Variants in PIEZO2 observed in about 807,000 individuals in gnomAD.
The protein encoded by PIEZO2 is piezo type mechanosensitive ion channel component 2.
In PIEZO2, 172 loss-of-function variants were observed where a neutral mutation model predicts 337.3. The observed-to-expected ratio is 0.51, with a 90% CI of 0.45 to 0.58. The LOEUF (loss-of-function observed/expected upper bound fraction) is 0.58. PIEZO2 is among the 20% of genes least tolerant of loss of function. The probability of loss-of-function intolerance (pLI) is 0.00; values close to 1 mark genes in which losing one functional copy is unlikely to be tolerated. For missense variants in PIEZO2, 3,028 were observed against 3,391.3 expected (o/e 0.89, Z 2.66); for synonymous variants, 1,251 against 1,228.5 (o/e 1.02, Z -0.38).
chr18:10,797,761 G>A (rs576797203), intron 11 of PIEZO2, among the ~76,000 whole-genome samples: 152 of 152,310 alleles, frequency 1.0e-3, no homozygotes, highest in Middle Eastern at 3.4e-3. Flanking sequence ...AAGAAGATAC[G>A]GAATGAAGCC....
At chr18:10,712,248 G>T (rs2035849843) in intron 39 of PIEZO2, among the ~76,000 whole-genome samples, 1 of 152,198 alleles carries the variant, frequency 6.6e-6, no homozygotes, top group Non-Finnish European at 1.5e-5. Context: ...GCACAAACCT[G>T]CAGGCTTTCA....
chr18:10,682,112 C>T lies in PIEZO2; in HGVS notation c.7678G>A (p.Gly2560Arg). The T allele has an allele frequency of 6.5e-7, 1 of 1,536,086 alleles. No homozygotes were observed. The highest frequency in any genetic ancestry group is 1.2e-5 in the South Asian group (1 of 83,854). Residue 2560 changes from glycine to arginine, a missense_variant, in exon 50 of 56, where the codon GGG becomes AGG. This residue lies in a region of PIEZO2 where 332 missense variants were observed against 363.8 expected (regional missense o/e 0.91). Transcript: ENST00000674853. This position sits in a 1 kb window ranked among gnomAD's most constrained non-coding sequence, Gnocchi z 5.6. Reference protein sequence around the residue: ...LDVSVTITLGGYQPIFTMSAQ... With the variant: ...LDVSVTITLGRYQPIFTMSAQ... ...GTGTGCACAGAGATCACCTGATACC[C>T]TCCCAGGGTAATTGTGACGGAGACG...
At chr18:10,890,956 T>A (rs2042736817) in intron 4 of PIEZO2, among the ~76,000 whole-genome samples, 1 of 152,230 alleles carries the variant, frequency 6.6e-6, no homozygotes, top group Admixed American at 6.5e-5. Context: ...AAAAAATATA[T>A]CGAATCTCCT....
At position 10,903,208 on chromosome 18, in the gene PIEZO2, T is replaced by A. The variant is rs2043092812; in HGVS notation, c.329+7978A>T. Among the ~76,000 whole-genome samples, 1 of 152,186 alleles carries A rather than the reference T, an allele frequency of 6.6e-6. No individual in the cohort carries two copies. Among genetic ancestry groups the A allele is most frequent in the Non-Finnish European group, 1.5e-5 (1 of 68,036 alleles). Reference sequence around the variant, plus strand: ...GCATGTCACACTCACACTGTCCCTATCTTGGTCGAGACATTATAATCACTC... The same window carrying A: ...GCATGTCACACTCACACTGTCCCTAACTTGGTCGAGACATTATAATCACTC... On this transcript the variant is annotated intron_variant, in intron 4 of 55. Coordinates refer to ENST00000674853, the MANE Select transcript of PIEZO2 (RefSeq NM_001378183.1). The surrounding 1 kb of genome is among the most constrained non-coding windows in gnomAD (Gnocchi z 4.1).
chr18:10,860,711 A>G (rs60365230), intron 5 of PIEZO2, among the ~76,000 whole-genome samples: 38,517 of 152,202 alleles, frequency 0.25, 4,874 homozygotes, highest in Non-Finnish European at 0.27. Flanking sequence ...ACAGTCAGAA[A>G]CACACTTGTG....
intron 4 of PIEZO2, among the ~76,000 whole-genome samples, chr18:10,905,776 A>G (rs190871608): frequency 3.4e-4 from 51 of 152,188 alleles, no homozygotes; most frequent in African/African-American, 1.2e-3. Context: ...CTTTTTCCTA[A>G]GTCCACTCTT....
Position 10,762,628 on chromosome 18 carries a change from A to G in PIEZO2, c.3124-3T>C. 1 of 1,535,560 alleles carries G rather than the reference A, an allele frequency of 6.5e-7. No homozygotes were observed. The highest frequency in any genetic ancestry group is 8.7e-7 in the Non-Finnish European group (1 of 1,146,448). ...ATGTTTGTTTGATTTTCATTTGGCT[A>G]AAAAGAAGAGAAAATGGAGTAAAAA... On this transcript the variant is annotated splice_polypyrimidine_tract_variant and splice_region_variant and intron_variant, in intron 22 of 55. Transcript: ENST00000674853.
chr18:10,726,272 A>AGAAT lies in PIEZO2; in HGVS notation c.5029+5131_5029+5134dup, dbSNP rs932880669. 1.1e-5 allele frequency: 9 copies of AGAAT among 838,916 alleles called. No individual in the cohort carries two copies. The highest frequency in any genetic ancestry group is 4.4e-4 in the Middle Eastern group (2 of 4,528). The allele number at this position is 838,916 out of a possible 1,614,324, so 52.0% of individuals were successfully genotyped here. A position where few individuals can be genotyped will look rare whatever the true frequency, so the allele number is the denominator to read the frequency against. On this transcript the variant is annotated intron_variant, in intron 36 of 55. Transcript: ENST00000674853. The surrounding 1 kb of genome is among the most constrained non-coding windows in gnomAD (Gnocchi z 5.9). ...GTGCGAGCCTGTGTTCGGGAGCATG[A>AGAAT]GAATGGAAGCGTCGCGGCCAGAGCC...
At chr18:10,976,073 A>G (rs775351540) in intron 3 of PIEZO2, among the ~76,000 whole-genome samples, 1 of 152,334 alleles carries the variant, frequency 6.6e-6, no homozygotes, top group Non-Finnish European at 1.5e-5. Flanking sequence ...AAACAATAAC[A>G]TTAGTGAAGT....
At chr18:10,976,479 T>C (rs2034445287) in intron 3 of PIEZO2, among the ~76,000 whole-genome samples, 1 of 152,192 alleles carries the variant, frequency 6.6e-6, no homozygotes, top group African/African-American at 2.4e-5. Flanking sequence ...GGTTACTTCA[T>C]CAAAAATACT....
chr18:10,782,464 T>G (rs1400409429), intron 17 of PIEZO2, among the ~76,000 whole-genome samples: 2 of 29,326 alleles, frequency 6.8e-5, no homozygotes, highest in Non-Finnish European at 1.4e-4. Context: ...ATATATATTA[T>G]ATTAAATAAT....
chr18:11,141,964 T>A (rs1389930585), intron 1 of PIEZO2, among the ~76,000 whole-genome samples: 3 of 152,188 alleles, frequency 2.0e-5, no homozygotes, highest in Non-Finnish European at 4.4e-5. Context: ...CCCTTTTTTA[T>A]AAAATATATT....
intron 21 of PIEZO2, 181 bp from the exon 22 acceptor site, chr18:10,763,279 C>T (rs2038217730): frequency 3.2e-6 from 2 of 618,932 alleles, no homozygotes; most frequent in Admixed American, 2.9e-5. Context: ...GGTCTCACCC[C>T]TCAAGGGCAT....
At chr18:10,720,234 G>GCGTGTATATATATA (rs1555631512) in intron 36 of PIEZO2, among the ~76,000 whole-genome samples, 1 of 119,910 alleles carries the variant, frequency 8.3e-6, no homozygotes, top group Admixed American at 1.0e-4. Context: ...GTGTGTGTGT[G>GCGTGTATATATATA]TATATATATA....
In PIEZO2 at chr18:10,929,529, T is replaced by C. The variant is rs2031956278; in HGVS notation, c.287-18301A>G. Among the ~76,000 whole-genome samples the C allele has an allele frequency of 1.3e-5, 2 of 152,178 alleles. No homozygotes were observed. The highest frequency in any genetic ancestry group is 4.1e-4 in the South Asian group (2 of 4,828). On this transcript the variant is annotated intron_variant, in intron 3 of 55. Coordinates refer to ENST00000674853, the MANE Select transcript of PIEZO2 (RefSeq NM_001378183.1). The surrounding 1 kb of genome is among the most constrained non-coding windows in gnomAD (Gnocchi z 5.6). ...TTTCAAAAGTTGCATGTTGAGACCA[T>C]TTCAAAAAAGGAGTAGAAAATCACA... is the stretch of plus-strand genomic sequence containing the variant.
intron 51 of PIEZO2, among the ~76,000 whole-genome samples, chr18:10,680,868 AT>A (rs2034235849): frequency 6.6e-6 from 1 of 152,174 alleles, no homozygotes; most frequent in Admixed American, 6.5e-5. Context: ...ATAAAAAAAA[AT>A]TATTTATAAG....
At chr18:10,745,401 T>C (rs775219173) in intron 30 of PIEZO2, among the ~76,000 whole-genome samples, 12 of 152,190 alleles carry the variant, frequency 7.9e-5, no homozygotes, top group Non-Finnish European at 1.3e-4. Context: ...CATTTTCCTA[T>C]GTAGGTACTT....
At chr18:10,930,529 G>A (rs2032014966) in intron 3 of PIEZO2, among the ~76,000 whole-genome samples, 1 of 152,126 alleles carries the variant, frequency 6.6e-6, no homozygotes, top group African/African-American at 2.4e-5. Context: ...ATAAAATCAA[G>A]CTGTAACCTA....
intron 4 of PIEZO2, 52 bp from the exon 5 acceptor site, chr18:10,871,467 A>G (rs1326015825): frequency 6.8e-7 from 1 of 1,468,256 alleles, no homozygotes; most frequent in Non-Finnish European, 9.1e-7. Context: ...TTATATTTCT[A>G]CGGTTAAACT....
Sources: gnomAD v4.1 joint callset for allele counts (sites outside exome capture counted in the v4.1 genomes callset) on GRCh38, gnomAD v4.1.1 for gene constraint, gnomAD v4.1.1 regional missense constraint, Gnocchi (gnomAD v3.1) non-coding constraint, MANE v1.5 for transcripts, NCBI Gene and HGNC (gene_info 2026-07-23, HGNC 2026-07-21) for gene names.